The following STAP2 variants were observed in gnomAD, a reference collection of about 807,000 sequenced individuals.
STAP2 encodes signal-transducing adaptor protein 2.
STAP2 carries 58 observed loss-of-function variants against 52.7 expected under a neutral mutation model. The ratio of observed to expected loss-of-function variants is 1.10; its 90% CI spans 0.89 to 1.37. The LOEUF (loss-of-function observed/expected upper bound fraction) is 1.37, where lower values mean the gene tolerates loss of function less well. Ranked by LOEUF, STAP2 falls within the 40% of genes most tolerant of loss-of-function variation. The pLI is 0.00. For missense variants in STAP2, 522 were observed against 519.4 expected (o/e 1.00, Z -0.05); for synonymous variants, 231 against 210.5 (o/e 1.10, Z -0.84).
intron 4 of STAP2, 72 bp from the exon 5 acceptor site, chr19:4,330,133 G>A (rs1249328341): frequency 1.7e-5 from 21 of 1,243,518 alleles, no homozygotes; most frequent in Non-Finnish European, 2.4e-5. Flanking sequence ...AAGTCACAGA[G>A]TGGCAAATTG....
In STAP2 at chr19:4,328,687, T is replaced by G. The variant is rs755997585; in HGVS notation, c.578A>C (p.Gln193Pro). 22 of 1,501,150 alleles carry G rather than the reference T, an allele frequency of 1.5e-5. No individual in the cohort carries two copies. In the South Asian group the frequency reaches 1.6e-4, roughly 11 times the overall value. 93.0% of individuals were successfully genotyped at this position (1,501,150 alleles called of 1,614,324 possible). A position where few individuals can be genotyped will look rare whatever the true frequency, so the allele number is the denominator to read the frequency against. Residue 193 changes from glutamine to proline, a missense_variant, in exon 6 of 13, where the codon CAG becomes CCG. Coordinates refer to ENST00000594605, the MANE Select transcript of STAP2 (RefSeq NM_001013841.2). ...CGCGCATGCGCACCCGTTGTGCATC[T>G]GCCGCGTGGTGACCGACACGCCGTC... The part of the protein sequence containing the change: ...GADGVSVTTR[Q>P]MHNGTHVVRH...
chr19:4,329,119 C>T, intron 5 of STAP2: 1 of 343,510 alleles, frequency 2.9e-6, no homozygotes, highest in Non-Finnish European at 5.3e-6. Flanking sequence ...CCCTTCCTCA[C>T]AGGCCCGGCT....
chr19:4,336,443 G>T (rs1971982313), intron 1 of STAP2, among the ~76,000 whole-genome samples: 1 of 139,444 alleles, frequency 7.2e-6, no homozygotes, highest in East Asian at 2.3e-4. Flanking sequence ...TCAGCCTCCC[G>T]AGTAGCTGGG....
At chr19:4,327,802 C>T (rs1008702970) in intron 6 of STAP2, among the ~76,000 whole-genome samples, 22 of 152,138 alleles carry the variant, frequency 1.4e-4, no homozygotes, top group Non-Finnish European at 1.5e-5. Flanking sequence ...TGGCTCCACC[C>T]CCAGGCACCG....
intron 11 of STAP2, 40 bp from the exon 12 acceptor site, chr19:4,324,569 C>A (rs562957368): frequency 1.3e-6 from 2 of 1,550,506 alleles, no homozygotes; most frequent in African/African-American, 2.7e-5. Flanking sequence ...TGGTGGCTCA[C>A]GCCGGTAATC....
At chr19:4,328,424 CTG>C (rs1401330421) in intron 6 of STAP2, among the ~76,000 whole-genome samples, 24 of 68,640 alleles carry the variant, frequency 3.5e-4, no homozygotes, top group African/African-American at 2.1e-3. Flanking sequence ...CAGCCCAGCT[CTG>C]ACTCCTCCCC....
At chr19:4,324,254 C>T (rs1035041539) in intron 12 of STAP2, 57 bp from the exon 13 acceptor site, 2 of 1,520,856 alleles carry the variant, frequency 1.3e-6, no homozygotes, top group African/African-American at 1.4e-5. Flanking sequence ...TCCATGCCCA[C>T]CGCCCTGACA....
At chr19:4,330,918 T>C (rs1024944516) in intron 4 of STAP2, among the ~76,000 whole-genome samples, 3 of 151,892 alleles carry the variant, frequency 2.0e-5, no homozygotes, top group African/African-American at 7.2e-5. Context: ...TTTCACCGTG[T>C]TGGCCAGGAT....
At chr19:4,334,143 T>C (rs551068773) in intron 1 of STAP2, 99 bp from the exon 2 acceptor site, 3 of 969,488 alleles carry the variant, frequency 3.1e-6, no homozygotes, top group Admixed American at 5.5e-5. Flanking sequence ...GGTTGTGCTC[T>C]CTGCCCCACG....
At position 4,330,350 on chromosome 19, in the gene STAP2, G is replaced by A. The variant is rs142060199; in HGVS notation, c.355-289C>T. Among the ~76,000 whole-genome samples, 42 of 151,870 alleles carry A rather than the reference G, an allele frequency of 2.8e-4. No homozygotes were observed. In the East Asian group the frequency reaches 8.2e-3, roughly 30 times the overall value. On this transcript the variant is annotated intron_variant, in intron 4 of 12. Transcript: ENST00000594605. Reference sequence around the variant, plus strand: ...AACCTGGGCAACATGGCGAAACCCCGTTTGTACTAAAAATACAAAAAATTA... The same window carrying A: ...AACCTGGGCAACATGGCGAAACCCCATTTGTACTAAAAATACAAAAAATTA...
chr19:4,328,480 C>G (rs376766153), intron 6 of STAP2, among the ~76,000 whole-genome samples, 195 bp downstream of exon 6: 1 of 69,304 alleles, frequency 1.4e-5, no homozygotes, highest in East Asian at 8.4e-4. Context: ...AATCCGCCCA[C>G]CTCAGCTCTG....
chr19:4,332,212 TTTTTTTTTTTG>T, intron 3 of STAP2, 134 bp from the exon 4 acceptor site: 1 of 562,300 alleles, frequency 1.8e-6, no homozygotes, highest in Non-Finnish European at 2.8e-6. Flanking sequence ...TTTTTTTTTT[TTTTTTTTTTTG>T]AGATGGAGTC....
chr19:4,333,356 A>G lies in STAP2; in HGVS notation c.297+338T>C, dbSNP rs1352264820. ...CTAAAGATTCAAAAAATTAGCCAGG[A>G]GTGGTTGCGTGCGCCTGTAATCCCA... On this transcript the variant is annotated intron_variant, in intron 3 of 12. Coordinates refer to ENST00000594605, the MANE Select transcript of STAP2 (RefSeq NM_001013841.2). Among the ~76,000 whole-genome samples, 5 of 145,834 alleles carry G rather than the reference A, an allele frequency of 3.4e-5. No homozygotes were observed. In the East Asian group the frequency reaches 1.0e-3, roughly 30 times the overall value.
chr19:4,328,617 G>C, intron 6 of STAP2, 58 bp downstream of exon 6: 3 of 1,530,538 alleles, frequency 2.0e-6, no homozygotes, highest in Non-Finnish European at 8.8e-7. Flanking sequence ...CCACGCCCCC[G>C]CGCCCACCCT....
chr19:4,337,235 CTTTT>C (rs537448777), intron 1 of STAP2, among the ~76,000 whole-genome samples: 1 of 140,222 alleles, frequency 7.1e-6, no homozygotes. Flanking sequence ...AAGACCCCAT[CTTTT>C]TTTTTTTTTT....
chr19:4,328,712 C>G lies in STAP2; in HGVS notation c.553G>C (p.Asp185His), dbSNP rs763069118. Reference protein sequence around the residue: ...LLLRPSGDGADGVSVTTRQMH... With the variant: ...LLLRPSGDGAHGVSVTTRQMH... ...TGCCGCGTGGTGACCGACACGCCGTCGGCGCCGTCCCCGCTGGGCCGCAGC... is the reference window on the plus strand; with the variant it reads ...TGCCGCGTGGTGACCGACACGCCGTGGGCGCCGTCCCCGCTGGGCCGCAGC... The change falls in exon 6 of 13, where the codon GAC (aspartate) becomes CAC (histidine). Residue 185 changes from aspartate to histidine, a missense_variant. Coordinates refer to ENST00000594605, the MANE Select transcript of STAP2 (RefSeq NM_001013841.2). 2 of 1,606,734 alleles carry G rather than the reference C, an allele frequency of 1.2e-6. No individual in the cohort carries two copies. The highest frequency in any genetic ancestry group is 2.2e-5 in the South Asian group (2 of 90,134).
intron 11 of STAP2, 76 bp downstream of exon 11, chr19:4,325,136 CAAAA>C (rs5826839): frequency 6.2e-4 from 673 of 1,088,330 alleles, no homozygotes; most frequent in East Asian, 9.5e-4. Flanking sequence ...GAGACTGTCT[CAAAA>C]AAAAAAAAAA....
At chr19:4,337,306 A>C (rs981878638) in intron 1 of STAP2, among the ~76,000 whole-genome samples, 2 of 149,022 alleles carry the variant, frequency 1.3e-5, no homozygotes, top group Non-Finnish European at 3.0e-5. Context: ...ATCTTGGCTC[A>C]CTGCAACCTC....
intron 6 of STAP2, 82 bp downstream of exon 6, chr19:4,328,593 G>T: frequency 1.3e-6 from 2 of 1,515,982 alleles, no homozygotes; most frequent in South Asian, 1.2e-5. Flanking sequence ...GTCGGACTCC[G>T]CCCCTGCTTC....
Sources: gnomAD v4.1 joint callset for allele counts (sites outside exome capture counted in the v4.1 genomes callset) on GRCh38, gnomAD v4.1.1 for gene constraint, MANE v1.5 for transcripts, NCBI Gene and HGNC (gene_info 2026-07-23, HGNC 2026-07-21) for gene names.